The following AIM2 variants were observed in gnomAD, a reference collection of about 807,000 sequenced individuals.
AIM2 encodes the protein interferon-inducible protein AIM2.
In AIM2, 30 loss-of-function variants were observed where a neutral mutation model predicts 27.7. The ratio of observed to expected loss-of-function variants is 1.08; its 90% CI spans 0.81 to 1.47. The LOEUF is 1.47. Among genes scored for constraint, AIM2 ranks in the 40% most tolerant of loss-of-function variants. The probability of loss-of-function intolerance (pLI) is 0.00; values close to 1 mark genes in which losing one functional copy is unlikely to be tolerated. For missense variants in AIM2, 358 were observed against 411.3 expected (o/e 0.87, Z 1.12); for synonymous variants, 141 against 145.3 (o/e 0.97, Z 0.21).
At chr1:159,073,130 C>T in intron 2 of AIM2, 108 bp downstream of exon 2, 1 of 1,404,908 alleles carries the variant, frequency 7.1e-7, no homozygotes, top group Non-Finnish European at 9.7e-7. Context: ...AGTTAGCAAA[C>T]AAATTCCAAC....
intron 5 of AIM2, 36 bp from the exon 6 acceptor site, chr1:159,062,754 A>G: frequency 6.2e-7 from 1 of 1,603,536 alleles, no homozygotes; most frequent in South Asian, 1.1e-5. Context: ...TCTGAGATGC[A>G]GTCGATGAGT....
chr1:159,110,792 G>A (rs756525190), intron 1 of AIM2, among the ~76,000 whole-genome samples: 1 of 152,156 alleles, frequency 6.6e-6, no homozygotes, highest in Non-Finnish European at 1.5e-5. Context: ...ACCCTTCACT[G>A]CACACATATT....
rs571445569 is a variant in AIM2, at chr1:159,122,870, A to G, written c.-16+17561T>C. Among the ~76,000 whole-genome samples the G allele has an allele frequency of 5.3e-5, 8 of 152,330 alleles. 1 individual carries two copies. The South Asian group carries it at 1.7e-3, about 32-fold the overall frequency. ...TGACCCATTCGCTTCATACATTGCT[A>G]GGTGACTAGTTAGTCAAGAGCTTAG... On this transcript the variant is annotated intron_variant, in intron 1 of 2. Transcript: ENST00000368129.
intron 1 of AIM2, among the ~76,000 whole-genome samples, chr1:159,091,193 T>C (rs1657033433): frequency 6.6e-6 from 1 of 152,222 alleles, no homozygotes; most frequent in Non-Finnish European, 1.5e-5. Flanking sequence ...AAGTAACAAA[T>C]AATACAGCTA....
chr1:159,099,251 A>G (rs1657262851), intron 1 of AIM2, among the ~76,000 whole-genome samples: 1 of 152,226 alleles, frequency 6.6e-6, no homozygotes, highest in Non-Finnish European at 1.5e-5. Flanking sequence ...GACAAAGGGC[A>G]GGGACAACTG....
intron 1 of AIM2, among the ~76,000 whole-genome samples, chr1:159,131,685 C>G (rs1033052076): frequency 6.6e-6 from 1 of 152,192 alleles, no homozygotes; most frequent in Non-Finnish European, 1.5e-5. Flanking sequence ...AGGAGAATAA[C>G]TTGGGATAGA....
chr1:159,094,522 C>T (rs996706373), intron 1 of AIM2, among the ~76,000 whole-genome samples: 12 of 152,094 alleles, frequency 7.9e-5, no homozygotes, highest in African/African-American at 2.9e-4. Flanking sequence ...CATGGTGAAA[C>T]TTTGTCTCTA....
chr1:159,108,314 T>C (rs1657495397), intron 1 of AIM2, among the ~76,000 whole-genome samples: 1 of 152,198 alleles, frequency 6.6e-6, no homozygotes, highest in Non-Finnish European at 1.5e-5. Flanking sequence ...TCTCAATAGA[T>C]GCCGAAAAAG....
chr1:159,117,196 G>A (rs2852727), intron 1 of AIM2, among the ~76,000 whole-genome samples: 74,505 of 151,930 alleles, frequency 0.49, 21,672 homozygotes, highest in Admixed American at 0.65. Flanking sequence ...TTTTAAAAAC[G>A]GAGGAGACAG....
intron 1 of AIM2, among the ~76,000 whole-genome samples, chr1:159,122,674 A>G (rs993783040): frequency 6.6e-6 from 1 of 152,150 alleles, no homozygotes. Flanking sequence ...TCTCTCAAAG[A>G]CCTTGGTTCT....
chr1:159,130,284 C>A (rs1262197654), intron 1 of AIM2, among the ~76,000 whole-genome samples: 3 of 152,290 alleles, frequency 2.0e-5, no homozygotes, highest in African/African-American at 7.2e-5. Flanking sequence ...TGACCACTCC[C>A]AAGACATCAA....
intron 4 of AIM2, among the ~76,000 whole-genome samples, chr1:159,064,922 G>A (rs72709573): frequency 0.036 from 5,431 of 152,306 alleles, 110 homozygotes; most frequent in Non-Finnish European, 0.047. Context: ...GAGATTGATC[G>A]TATTTTAGGT....
At chr1:159,063,977 T>C (rs1433829627) in intron 4 of AIM2, among the ~76,000 whole-genome samples, 2 of 152,240 alleles carry the variant, frequency 1.3e-5, no homozygotes, top group African/African-American at 4.8e-5. Flanking sequence ...TTTTTATAAT[T>C]TTATTAATAA....
chr1:159,072,324 T>G (rs1656396078), intron 2 of AIM2, among the ~76,000 whole-genome samples: 1 of 152,262 alleles, frequency 6.6e-6, no homozygotes, highest in Non-Finnish European at 1.5e-5. Context: ...TGGCTTCATT[T>G]AGCCTTCCTA....
At chr1:159,121,347 T>C (rs1239573741) in intron 1 of AIM2, among the ~76,000 whole-genome samples, 1 of 149,488 alleles carries the variant, frequency 6.7e-6, no homozygotes, top group Non-Finnish European at 1.5e-5. Flanking sequence ...AATAACACAC[T>C]GTGACAATTG....
At chr1:159,122,895 G>T (rs1433165515) in intron 1 of AIM2, among the ~76,000 whole-genome samples, 1 of 152,186 alleles carries the variant, frequency 6.6e-6, no homozygotes, top group African/African-American at 2.4e-5. Flanking sequence ...CAAGAGCTTA[G>T]ATGTCTACAG....
At chr1:159,115,828 A>C (rs958332828) in intron 1 of AIM2, among the ~76,000 whole-genome samples, 6 of 152,290 alleles carry the variant, frequency 3.9e-5, no homozygotes, top group African/African-American at 1.4e-4. Flanking sequence ...CAAAATTGAC[A>C]AATGGGATCT....
chr1:159,078,722 A>G (rs562870121), upstream of AIM2, among the ~76,000 whole-genome samples: 1 of 152,310 alleles, frequency 6.6e-6, no homozygotes, highest in East Asian at 1.9e-4. Context: ...AAGGGAAAGG[A>G]GGCAACTGTG....
chr1:159,088,701 T>C (rs889426303), intron 1 of AIM2, among the ~76,000 whole-genome samples: 1 of 152,092 alleles, frequency 6.6e-6, no homozygotes, highest in Non-Finnish European at 1.5e-5. Flanking sequence ...AATGGACTAA[T>C]AGCTTATGAT....
Sources: allele counts gnomAD v4.1 joint callset (sites outside exome capture counted in the v4.1 genomes callset), GRCh38; gene constraint gnomAD v4.1.1; transcripts MANE v1.5; gene names NCBI Gene and HGNC (gene_info 2026-07-23, HGNC 2026-07-21).